Variants in TENM3 observed in about 807,000 individuals in gnomAD.
TENM3 encodes the protein teneurin transmembrane protein 3, also known as teneurin-3.
Under a neutral mutation model 255.1 loss-of-function variants are expected in TENM3, and 63 were observed. The ratio of observed to expected loss-of-function variants is 0.25; its 90% CI spans 0.20 to 0.30. The LOEUF (loss-of-function observed/expected upper bound fraction) is 0.30, where lower values mean the gene tolerates loss of function less well. Ranked by LOEUF, TENM3 falls within the 10% of genes least tolerant of loss-of-function variation. The pLI is 1.00. For missense variants in TENM3, 2,929 were observed against 3,461.1 expected, an observed-to-expected ratio of 0.85 and a Z score of 3.86; for synonymous variants, 1,306 against 1,322.3, an observed-to-expected ratio of 0.99 and a Z score of 0.27.
At chr4:181,940,754 C>T in the TENM3 span, among the ~76,000 whole-genome samples, 3 of 152,136 alleles carry the variant, frequency 2.0e-5, no homozygotes, top group Non-Finnish European at 4.4e-5. Context: ...TTTAGTGTGG[C>T]AGAGGAGTGA....
In TENM3 at chr4:182,800,661, A is replaced by G; in HGVS notation, c.*310A>G. ...GCTGGGCCGTCTGTTCCTTCTAGGC[A>G]CTGTATTTAACTAACTTTAAAAAAG... is the stretch of plus-strand genomic sequence containing the variant. On this transcript the variant is annotated 3_prime_UTR_variant, in exon 28 of 28. Transcript: ENST00000511685. The G allele has an allele frequency of 8.1e-6, 2 of 247,458 alleles. No individual in the cohort carries two copies. Among genetic ancestry groups the G allele is most frequent in the Non-Finnish European group, 1.6e-5 (2 of 128,484 alleles). The allele number at this position is 247,458 out of a possible 1,614,324, so 15.3% of individuals were successfully genotyped here.
the TENM3 span, among the ~76,000 whole-genome samples, chr4:182,003,501 T>C: frequency 1.3e-5 from 2 of 152,130 alleles, no homozygotes; most frequent in Non-Finnish European, 2.9e-5. Context: ...TATAAGAATA[T>C]ATTTAAAACT....
the TENM3 span, among the ~76,000 whole-genome samples, chr4:181,922,699 T>G: frequency 6.6e-6 from 1 of 151,790 alleles, no homozygotes; most frequent in Non-Finnish European, 1.5e-5. Flanking sequence ...CTGGATTCAT[T>G]AATTTTTTGA....
chr4:181,581,842 C>T, the TENM3 span, among the ~76,000 whole-genome samples: 1 of 152,040 alleles, frequency 6.6e-6, no homozygotes, highest in African/African-American at 2.4e-5. Context: ...AAGAGATTCT[C>T]CTGCCTCAGC....
At chr4:182,590,864 C>A (rs936910242) in intron 3 of TENM3, among the ~76,000 whole-genome samples, 17 of 138,112 alleles carry the variant, frequency 1.2e-4, no homozygotes, top group South Asian at 4.8e-4. Flanking sequence ...AAAAAAAAAA[C>A]AAAAAACCAG....
the TENM3 span, among the ~76,000 whole-genome samples, chr4:181,476,876 C>A: frequency 6.6e-6 from 1 of 152,152 alleles, no homozygotes; most frequent in African/African-American, 2.4e-5. Context: ...TGGGATTTGG[C>A]ACTCATCTCT....
At chr4:182,380,071 C>T (rs1222632795) in intron 3 of TENM3, among the ~76,000 whole-genome samples, 2 of 152,078 alleles carry the variant, frequency 1.3e-5, no homozygotes, top group African/African-American at 4.8e-5. Flanking sequence ...GAGTTCGAGA[C>T]CAGCCTGGAC....
At chr4:181,905,606 AG>A in the TENM3 span, among the ~76,000 whole-genome samples, 1 of 151,676 alleles carries the variant, frequency 6.6e-6, no homozygotes, top group African/African-American at 2.4e-5. Flanking sequence ...GAAAAAAATT[AG>A]ATAGCAAATA....
At chr4:182,598,369 C>T (rs1390866288) in intron 3 of TENM3, among the ~76,000 whole-genome samples, 1 of 152,154 alleles carries the variant, frequency 6.6e-6, no homozygotes. Context: ...CACTGCTGCA[C>T]TAGCCTGGGC....
At chr4:182,723,747 A>T (rs954505729) in intron 13 of TENM3, among the ~76,000 whole-genome samples, 1 of 152,206 alleles carries the variant, frequency 6.6e-6, no homozygotes, top group Non-Finnish European at 1.5e-5. Flanking sequence ...TTGAAGCAGG[A>T]CCAGGGATTG....
the TENM3 span, among the ~76,000 whole-genome samples, chr4:182,124,401 A>G: frequency 1.3e-5 from 2 of 152,234 alleles, no homozygotes; most frequent in Non-Finnish European, 2.9e-5. Flanking sequence ...AGATAATTTC[A>G]TATGTGAATC....
At chr4:181,931,501 C>A in the TENM3 span, among the ~76,000 whole-genome samples, 7 of 152,070 alleles carry the variant, frequency 4.6e-5, no homozygotes, top group South Asian at 2.1e-4. Context: ...AACCACTACT[C>A]AAGGAAATCA....
chr4:181,917,206 G>T, the TENM3 span, among the ~76,000 whole-genome samples: 1 of 152,080 alleles, frequency 6.6e-6, no homozygotes, highest in African/African-American at 2.4e-5. Context: ...TGGCAGAAAG[G>T]TACAGAACCT....
the TENM3 span, among the ~76,000 whole-genome samples, chr4:181,484,505 G>A: frequency 2.6e-5 from 4 of 151,986 alleles, no homozygotes; most frequent in African/African-American, 9.7e-5. Context: ...TTTACATGCT[G>A]CGGTTAGATT....
At chr4:182,761,385 C>T (rs905184862) in intron 22 of TENM3, among the ~76,000 whole-genome samples, 4 of 151,746 alleles carry the variant, frequency 2.6e-5, no homozygotes, top group Non-Finnish European at 5.9e-5. Context: ...CGCCACTGCA[C>T]TCCAGCCTGG....
At chr4:182,503,376 ACT>A in intron 3 of TENM3, among the ~76,000 whole-genome samples, 1 of 151,742 alleles carries the variant, frequency 6.6e-6, no homozygotes, top group Non-Finnish European at 1.5e-5. Flanking sequence ...CAGTTGGCAG[ACT>A]CTGCCCCTCA....
At chr4:182,202,448 G>A (rs1754246425) in intron 1 of TENM3, among the ~76,000 whole-genome samples, 1 of 151,994 alleles carries the variant, frequency 6.6e-6, no homozygotes. Flanking sequence ...TGGGATTGCA[G>A]GCATGCACCA....
rs774918866 is a variant in TENM3 at position 182,679,657 on chromosome 4, T to TC, written c.1327-3dup. 2.5e-6 allele frequency: 4 copies of TC among 1,604,442 alleles called. No homozygotes were observed. In the African/African-American group the frequency reaches 4.0e-5, roughly 16 times the overall value. ...TCTTTCTGACTATTTTTCCTCGTCC[T>TC]CCCCCCAGTATGACTTCGTGGAGCT... On this transcript the variant is annotated splice_polypyrimidine_tract_variant and intron_variant, in intron 7 of 27. Transcript: ENST00000511685.
chr4:182,098,636 G>A, the TENM3 span, among the ~76,000 whole-genome samples: 1 of 152,178 alleles, frequency 6.6e-6, no homozygotes, highest in Non-Finnish European at 1.5e-5. Context: ...TCTCATTGAA[G>A]TAGAGGGTAG....
Sources: gnomAD v4.1 joint callset for allele counts (sites outside exome capture counted in the v4.1 genomes callset) on GRCh38, gnomAD v4.1.1 for gene constraint, MANE v1.5 for transcripts, NCBI Gene and HGNC (gene_info 2026-07-23, HGNC 2026-07-21) for gene names.